Variants in CFAP251 observed in about 807,000 individuals in gnomAD.
CFAP251 encodes cilia- and flagella-associated protein 251.
A neutral mutation model predicts 126.7 loss-of-function variants in CFAP251; 93 were observed. The ratio of observed to expected loss-of-function variants is 0.73; its 90% CI spans 0.62 to 0.87. The LOEUF is 0.87. CFAP251 is among the 40% of genes least tolerant of loss of function. CFAP251 has a pLI of 0.00. For missense variants in CFAP251, 1,287 were observed against 1,389.2 expected (o/e 0.93, Z 1.17); for synonymous variants, 503 against 506.9 (o/e 0.99, Z 0.10).
intron 16 of CFAP251, 128 bp downstream of exon 16, chr12:121,967,197 C>A: frequency 1.3e-6 from 1 of 772,862 alleles, no homozygotes; most frequent in South Asian, 1.7e-5. Context: ...CCACCCCAGT[C>A]AGCTGTGATA....
chr12:121,964,390 G>A (rs1882051562), intron 15 of CFAP251, among the ~76,000 whole-genome samples: 1 of 152,154 alleles, frequency 6.6e-6, no homozygotes, highest in Non-Finnish European at 1.5e-5. Flanking sequence ...GATATGCGCA[G>A]TCCTAAGACA....
At position 121,923,664 on chromosome 12, in the gene CFAP251, G is replaced by C. The variant is rs1401017219; in HGVS notation, c.421G>C (p.Glu141Gln). The C allele has an allele frequency of 6.2e-7, 1 of 1,613,166 alleles. No individual in the cohort carries two copies. Among genetic ancestry groups the C allele is most frequent in the Non-Finnish European group, 8.5e-7 (1 of 1,179,778 alleles). Residue 141 changes from glutamate to glutamine, a missense_variant, in exon 3 of 22, where the codon GAG (glutamate) becomes CAG (glutamine). Physicochemically the swap from Glu to Gln is conservative, Grantham distance 29. Coordinates refer to ENST00000288912, the MANE Select transcript of CFAP251 (RefSeq NM_144668.6). ...GSKSKLSLQL[E>Q]DAETDELLRD... ...CAAGTCAAAGCTTTCCTTACAATTGGAGGATGCAGAAACAGATGAGCTTTT... is the reference window on the plus strand; with the variant it reads ...CAAGTCAAAGCTTTCCTTACAATTGCAGGATGCAGAAACAGATGAGCTTTT...
chr12:121,960,591 A>AG lies in CFAP251; in HGVS notation c.2141dup (p.Ser714ArgfsTer44). On this transcript the variant is annotated frameshift_variant, in exon 14 of 22. Coordinates refer to ENST00000288912, the MANE Select transcript of CFAP251 (RefSeq NM_144668.6). LOFTEE classifies it high-confidence loss of function. ...CTCTTTTGCTCATCTTCAGGATAGA[A>AG]GTTTTACTGTGGCTGTTTACATGCT... 1 of 1,614,112 alleles carries AG rather than the reference A, an allele frequency of 6.2e-7. No individual in the cohort carries two copies. Among genetic ancestry groups the AG allele is most frequent in the Admixed American group, 1.7e-5 (1 of 60,004 alleles).
At chr12:121,922,032 T>C (rs1186013926) in intron 2 of CFAP251, among the ~76,000 whole-genome samples, 1 of 151,790 alleles carries the variant, frequency 6.6e-6, no homozygotes, top group East Asian at 1.9e-4. Context: ...TGATCTCAAA[T>C]GATCTGCCCA....
intron 19 of CFAP251, among the ~76,000 whole-genome samples, chr12:121,992,987 C>CTCTCCG (rs2135813623): frequency 7.8e-6 from 1 of 128,546 alleles, no homozygotes; most frequent in South Asian, 2.4e-4. Flanking sequence ...CTCCGTCTCC[C>CTCTCCG]TCTCCCTCTC....
At chr12:121,958,727 C>T (rs759893832) in intron 12 of CFAP251, among the ~76,000 whole-genome samples, 2 of 152,220 alleles carry the variant, frequency 1.3e-5, no homozygotes, top group Non-Finnish European at 2.9e-5. Context: ...CTGGATGAGG[C>T]GCCTTCTCTC....
rs1025810437 is a variant in CFAP251, at chr12:121,974,696, T to C, written c.2772-548T>C. 2.6e-5 allele frequency among the ~76,000 whole-genome samples: 4 copies of C among 152,224 alleles called. No individual in the cohort carries two copies. The highest frequency in any genetic ancestry group is 6.5e-5 in the Admixed American group (1 of 15,282). ...AGTTGGTCTCATACAAAAGTAGGTT[T>C]TCTTACCATTGAAAGGGCCTATTTT... On this transcript the variant is annotated intron_variant, in intron 17 of 21. Transcript: ENST00000288912. This position sits in a 1 kb window ranked among gnomAD's most constrained non-coding sequence, Gnocchi z 4.6.
chr12:121,967,825 C>T (rs1353808888), intron 16 of CFAP251, among the ~76,000 whole-genome samples, 181 bp from the exon 17 acceptor site: 1 of 152,216 alleles, frequency 6.6e-6, no homozygotes, highest in East Asian at 1.9e-4. Context: ...CAAGGGGCCC[C>T]CTACCAGGGC....
At chr12:121,975,195 G>A in intron 17 of CFAP251, 49 bp from the exon 18 acceptor site, 1 of 1,538,350 alleles carries the variant, frequency 6.5e-7, no homozygotes, top group South Asian at 1.1e-5. Flanking sequence ...TCTGAGCCAT[G>A]CTCATGCTTG....
intron 15 of CFAP251, 79 bp from the exon 16 acceptor site, chr12:121,966,876 G>T (rs778649650): frequency 9.4e-6 from 13 of 1,380,708 alleles, no homozygotes; most frequent in East Asian, 2.3e-5. Flanking sequence ...GAGCCACTGC[G>T]CCTGGCCCGA....
At position 121,968,018 on chromosome 12, in the gene CFAP251, A is replaced by G. The variant is rs1163844829; in HGVS notation, c.2620A>G (p.Ile874Val). 1 of 1,606,276 alleles carries G rather than the reference A, an allele frequency of 6.2e-7. No individual in the cohort carries two copies. Among genetic ancestry groups the G allele is most frequent in the Non-Finnish European group, 8.5e-7 (1 of 1,173,692 alleles). The change falls in exon 17 of 22, where the codon ATC (isoleucine) becomes GTC (valine). Residue 874 changes from isoleucine to valine, a missense_variant. Transcript: ENST00000288912. Reference sequence around the variant, plus strand: ...TGTTCCTTTCTAGGTGGGACTTCAGATCTTACCAGTTGACGGCAATCCACA... The same window carrying G: ...TGTTCCTTTCTAGGTGGGACTTCAGGTCTTACCAGTTGACGGCAATCCACA... Reference protein sequence around the residue: ...FINRDKVGLQILPVDGNPHKT... With the variant: ...FINRDKVGLQVLPVDGNPHKT...
intron 19 of CFAP251, among the ~76,000 whole-genome samples, chr12:121,996,584 C>A (rs1325371259): frequency 6.6e-6 from 1 of 152,128 alleles, no homozygotes; most frequent in African/African-American, 2.4e-5. Context: ...CCACTTAAAC[C>A]TAGGCATGTC....
chr12:121,976,136 G>A (rs1029779440), intron 19 of CFAP251, among the ~76,000 whole-genome samples: 1 of 151,760 alleles, frequency 6.6e-6, no homozygotes, highest in Non-Finnish European at 1.5e-5. Flanking sequence ...AGCCTTCCGA[G>A]TAGCTGGGAT....
intron 19 of CFAP251, among the ~76,000 whole-genome samples, chr12:121,981,452 T>C (rs953981627): frequency 1.3e-5 from 2 of 152,070 alleles, no homozygotes; most frequent in Non-Finnish European, 2.9e-5. Flanking sequence ...CACCCCACAC[T>C]CCTGCATATC....
chr12:121,992,460 A>G (rs1237302812), intron 19 of CFAP251: 1 of 985,290 alleles, frequency 1.0e-6, no homozygotes, highest in Non-Finnish European at 1.2e-6. Context: ...CTCTCTGGGT[A>G]TGAGTAACTC....
At chr12:121,930,949 A>G (rs1324570329) in intron 3 of CFAP251, among the ~76,000 whole-genome samples, 1 of 152,024 alleles carries the variant, frequency 6.6e-6, no homozygotes, top group African/African-American at 2.4e-5. Context: ...AGGTTTCACC[A>G]TTTTGGCCAG....
intron 5 of CFAP251, among the ~76,000 whole-genome samples, chr12:121,940,932 G>C (rs74800408): frequency 0.04 from 6,045 of 152,166 alleles, 187 homozygotes; most frequent in Middle Eastern, 0.092. Context: ...CGATTGTTTT[G>C]CAGTGTGCTT....
chr12:121,995,849 G>T (rs572318592), intron 19 of CFAP251, among the ~76,000 whole-genome samples: 1 of 152,088 alleles, frequency 6.6e-6, no homozygotes, highest in Admixed American at 6.5e-5. Flanking sequence ...TAGATACAGC[G>T]TTAAAGGAAA....
intron 14 of CFAP251, among the ~76,000 whole-genome samples, 199 bp from the exon 15 acceptor site, chr12:121,961,779 G>A (rs780688177): frequency 1.8e-4 from 27 of 152,328 alleles, no homozygotes; most frequent in Non-Finnish European, 3.7e-4. Flanking sequence ...TGTCTTCCAG[G>A]TAGTGAATTC....
Sources: allele counts gnomAD v4.1 joint callset (sites outside exome capture counted in the v4.1 genomes callset), GRCh38; gene constraint gnomAD v4.1.1; non-coding constraint Gnocchi (gnomAD v3.1); transcripts MANE v1.5; gene names NCBI Gene and HGNC (gene_info 2026-07-23, HGNC 2026-07-21).